The following RAB10 variants were observed in gnomAD, a reference collection of about 807,000 sequenced individuals.
RAB10 encodes the protein ras-related protein Rab-10.
Under a neutral mutation model 25.7 loss-of-function variants are expected in RAB10, and 5 were observed. That is an observed-to-expected ratio of 0.19 (90% CI 0.10 to 0.41). The LOEUF (loss-of-function observed/expected upper bound fraction) is 0.41. RAB10 is among the 10% of genes least tolerant of loss of function. The pLI is 1.00. For synonymous variants in RAB10, 89 were observed against 86.4 expected (o/e 1.03, Z -0.16); for missense variants, 103 against 245.8 (o/e 0.42, Z 3.89).
intron 1 of RAB10, among the ~76,000 whole-genome samples, chr2:26,068,039 T>C (rs1477512965): frequency 6.6e-6 from 1 of 152,140 alleles, no homozygotes; most frequent in Non-Finnish European, 1.5e-5. Context: ...AACAGGTTAT[T>C]AATTAATCTA....
At chr2:26,102,359 A>G (rs185860019) in intron 2 of RAB10, among the ~76,000 whole-genome samples, 21 of 148,432 alleles carry the variant, frequency 1.4e-4, no homozygotes, top group African/African-American at 5.0e-4. Flanking sequence ...ATATTGTCTT[A>G]TTTTCCAGGG....
chr2:26,053,818 C>T (rs1212555756), intron 1 of RAB10, among the ~76,000 whole-genome samples: 1 of 151,962 alleles, frequency 6.6e-6, no homozygotes, highest in Non-Finnish European at 1.5e-5. Context: ...CTTCCGGGTT[C>T]AAGCGATTCT....
intron 1 of RAB10, among the ~76,000 whole-genome samples, chr2:26,061,089 TG>T (rs770128884): frequency 1.5e-5 from 2 of 131,974 alleles, no homozygotes; most frequent in African/African-American, 2.8e-5. Context: ...CATTTATCTC[TG>T]TCTTTTTTTT....
intron 1 of RAB10, among the ~76,000 whole-genome samples, chr2:26,041,229 A>T (rs779761350): frequency 6.6e-6 from 1 of 152,068 alleles, no homozygotes; most frequent in Non-Finnish European, 1.5e-5. Flanking sequence ...TATGAAGTAG[A>T]TTGGGATCAG....
At chr2:26,077,252 G>A (rs1227825311) in intron 1 of RAB10, among the ~76,000 whole-genome samples, 9 of 152,108 alleles carry the variant, frequency 5.9e-5, no homozygotes, top group Non-Finnish European at 1.3e-4. Flanking sequence ...TACAAATATA[G>A]ATATTAAAGG....
Position 26,098,303 on chromosome 2 carries a change from GT to G in RAB10, c.128-358del, listed in dbSNP as rs556748538. Among the ~76,000 whole-genome samples the G allele has an allele frequency of 1.5e-4, 23 of 151,526 alleles. No homozygotes were observed. The East Asian group carries it at 4.1e-3, about 27-fold the overall frequency. ...GCCTGGCTAATTTTTTGTGTTTTTAGTATTTTTGTATTTTTAGTAGAAACAG... is the reference window on the plus strand; with the variant it reads ...GCCTGGCTAATTTTTTGTGTTTTTAGATTTTTGTATTTTTAGTAGAAACAG... On this transcript the variant is annotated intron_variant, in intron 1 of 5. Transcript: ENST00000264710.
chr2:26,092,746 T>C (rs1205774229), intron 1 of RAB10, among the ~76,000 whole-genome samples: 1 of 152,160 alleles, frequency 6.6e-6, no homozygotes, highest in Non-Finnish European at 1.5e-5. Context: ...TTGTCACACT[T>C]GTCATTAAGA....
At chr2:26,106,746 G>A (rs1397614144) in intron 2 of RAB10, among the ~76,000 whole-genome samples, 17 of 151,524 alleles carry the variant, frequency 1.1e-4, no homozygotes, top group Middle Eastern at 3.5e-3. Flanking sequence ...ATTGTCCAGT[G>A]TGGTGGCACA....
At chr2:26,062,679 A>AAAATAAATAAATAAATAAAT (rs10659551) in intron 1 of RAB10, among the ~76,000 whole-genome samples, 2 of 148,376 alleles carry the variant, frequency 1.3e-5, no homozygotes, top group South Asian at 2.1e-4. Context: ...CTCTGTCTCA[A>AAAATAAATAAATAAATAAAT]AAATAAATAA....
intron 3 of RAB10, among the ~76,000 whole-genome samples, chr2:26,120,497 C>G (rs986413323): frequency 3.9e-5 from 6 of 152,188 alleles, no homozygotes; most frequent in African/African-American, 1.4e-4. Flanking sequence ...CTGCTTATTA[C>G]TGGATATTTG....
At chr2:26,066,107 C>G (rs987266011) in intron 1 of RAB10, among the ~76,000 whole-genome samples, 3 of 151,974 alleles carry the variant, frequency 2.0e-5, no homozygotes, top group Admixed American at 6.6e-5. Flanking sequence ...ATTTTGATTC[C>G]ATGAATTGGA....
intron 1 of RAB10, among the ~76,000 whole-genome samples, chr2:26,077,476 A>G (rs908747263): frequency 6.6e-6 from 1 of 152,236 alleles, no homozygotes; most frequent in Non-Finnish European, 1.5e-5. Context: ...ATGCGTAACA[A>G]ACAAGACTTT....
intron 1 of RAB10, among the ~76,000 whole-genome samples, chr2:26,088,698 C>T (rs1186409619): frequency 6.6e-6 from 1 of 152,146 alleles, no homozygotes; most frequent in Non-Finnish European, 1.5e-5. Context: ...ACTGCAACCT[C>T]CCCCTCCCCG....
At chr2:26,047,797 C>G (rs537043113) in intron 1 of RAB10, among the ~76,000 whole-genome samples, 63 of 147,936 alleles carry the variant, frequency 4.3e-4, no homozygotes, top group African/African-American at 1.3e-3. Context: ...AATCTTGGCT[C>G]ACTGCAACCC....
chr2:26,073,637 A>G (rs902375435), intron 1 of RAB10, among the ~76,000 whole-genome samples: 1 of 152,218 alleles, frequency 6.6e-6, no homozygotes, highest in African/African-American at 2.4e-5. Context: ...CATAGATAAG[A>G]AAACAGAAGA....
chr2:26,113,094 GAA>G (rs897256991), intron 3 of RAB10, among the ~76,000 whole-genome samples: 4 of 151,998 alleles, frequency 2.6e-5, no homozygotes, highest in African/African-American at 4.8e-5. Flanking sequence ...CAAAAAGAAA[GAA>G]AGAGGAAATC....
chr2:26,097,579 C>T (rs555466732), intron 1 of RAB10, among the ~76,000 whole-genome samples: 1 of 152,138 alleles, frequency 6.6e-6, no homozygotes, highest in Non-Finnish European at 1.5e-5. Flanking sequence ...TGCCTGGCAA[C>T]TTCAATACTG....
At chr2:26,069,811 T>G (rs1666587120) in intron 1 of RAB10, among the ~76,000 whole-genome samples, 7 of 151,954 alleles carry the variant, frequency 4.6e-5, no homozygotes, top group Admixed American at 2.0e-4. Flanking sequence ...GTTTAAGTGA[T>G]TCTTCTGCCT....
chr2:26,059,230 A>G (rs996900381), intron 1 of RAB10, among the ~76,000 whole-genome samples: 4 of 152,244 alleles, frequency 2.6e-5, no homozygotes, highest in African/African-American at 9.6e-5. Context: ...TAGGAGCCCC[A>G]ACAAACTTAA....
Sources: gnomAD v4.1 joint callset for allele counts (sites outside exome capture counted in the v4.1 genomes callset) on GRCh38, gnomAD v4.1.1 for gene constraint, MANE v1.5 for transcripts, NCBI Gene and HGNC (gene_info 2026-07-23, HGNC 2026-07-21) for gene names.